Variants in DPEP1 observed in about 807,000 individuals in gnomAD.
DPEP1 encodes dipeptidase 1, also known as beta-lactamase.
In DPEP1, 50 loss-of-function variants were observed where a neutral mutation model predicts 42.3. That is an observed-to-expected ratio of 1.18 (90% confidence interval 0.94 to 1.50). The LOEUF is 1.50. Among genes scored for constraint, DPEP1 ranks in the 40% most tolerant of loss-of-function variants. The pLI, the probability that DPEP1 is intolerant of heterozygous loss-of-function variation, is 0.00. For missense variants in DPEP1, 663 were observed against 553.0 expected (o/e 1.20, Z -1.99); for synonymous variants, 297 against 234.0 (o/e 1.27, Z -2.46).
intron 1 of DPEP1, among the ~76,000 whole-genome samples, chr16:89,627,786 A>G (rs889720433): frequency 6.8e-6 from 1 of 146,984 alleles, no homozygotes; most frequent in African/African-American, 2.5e-5. Context: ...AAAGCCTCCA[A>G]GTAGCTGGGA....
chr16:89,623,387 G>A (rs974047041), intron 1 of DPEP1, among the ~76,000 whole-genome samples: 2 of 152,086 alleles, frequency 1.3e-5, no homozygotes, highest in East Asian at 3.9e-4. Flanking sequence ...TCGAGAGCCC[G>A]CTCACACATA....
intron 2 of DPEP1, among the ~76,000 whole-genome samples, chr16:89,631,232 C>T (rs1178849716): frequency 2.0e-5 from 3 of 152,118 alleles, no homozygotes; most frequent in Non-Finnish European, 2.9e-5. Flanking sequence ...TGTGCCCACC[C>T]GGCCCCCACC....
At chr16:89,634,375 C>T (rs2059632908) in intron 2 of DPEP1, among the ~76,000 whole-genome samples, 1 of 152,134 alleles carries the variant, frequency 6.6e-6, no homozygotes, top group African/African-American at 2.4e-5. Context: ...GCATGAGCCA[C>T]CCTGCCTGGC....
At chr16:89,618,961 C>T (rs1222178100) in intron 1 of DPEP1, among the ~76,000 whole-genome samples, 14 of 31,370 alleles carry the variant, frequency 4.5e-4, no homozygotes, top group African/African-American at 1.6e-3. Context: ...CCCCTCCCTG[C>T]AGCCCCCCTG....
At chr16:89,622,892 G>C (rs73263370) in intron 1 of DPEP1, among the ~76,000 whole-genome samples, 2,127 of 152,138 alleles carry the variant, frequency 0.014, 59 homozygotes, top group African/African-American at 0.049. Flanking sequence ...TGTCTGTGAG[G>C]AGGACTAGGG....
At position 89,637,989 on chromosome 16, in the gene DPEP1, A is replaced by C. The variant is rs748808965; in HGVS notation, c.1065+18A>C. The C allele has an allele frequency of 6.2e-7, 1 of 1,607,110 alleles. No individual in the cohort carries two copies. Among genetic ancestry groups the C allele is most frequent in the Non-Finnish European group, 8.5e-7 (1 of 1,177,522 alleles). On this transcript the variant is annotated intron_variant, in intron 10 of 10. Transcript: ENST00000690203. ...TGGAACAGGTGAGGATGGGGTGGCC[A>C]CCTGAGTCTCCCCCACCACCACCAG...
In DPEP1 at chr16:89,636,147, C is replaced by T. The variant is rs369186149; in HGVS notation, c.237+107C>T. ...CCTGTGGTGTTCCTCCAGGGTCCCT[C>T]GGTGCCCAGGCCGAGGGAGGGCTTC... On this transcript the variant is annotated intron_variant, in intron 3 of 10. Coordinates refer to ENST00000690203, the MANE Select transcript of DPEP1 (RefSeq NM_001389466.1). 1.7e-3 allele frequency: 2,690 copies of T among 1,546,956 alleles called. 3 individuals are homozygous for T. Among genetic ancestry groups the T allele is most frequent in the Non-Finnish European group, 2.2e-3 (2,538 of 1,150,186 alleles).
At chr16:89,635,819 G>C (rs918883123) in intron 2 of DPEP1, 89 bp from the exon 3 acceptor site, 1 of 1,466,756 alleles carries the variant, frequency 6.8e-7, no homozygotes, top group African/African-American at 1.4e-5. Flanking sequence ...AGTAGGAAGT[G>C]GGGAGAGCAG....
chr16:89,617,478 C>A (rs994958762), intron 1 of DPEP1, among the ~76,000 whole-genome samples: 1 of 152,220 alleles, frequency 6.6e-6, no homozygotes, highest in Admixed American at 6.5e-5. Flanking sequence ...CAGGAGGTCT[C>A]CAGGCCATCT....
chr16:89,624,295 T>C (rs2059480485), intron 1 of DPEP1, among the ~76,000 whole-genome samples: 2 of 152,032 alleles, frequency 1.3e-5, no homozygotes, highest in Non-Finnish European at 2.9e-5. Context: ...CACCAGCGTC[T>C]GCCTTTGGTG....
chr16:89,639,950 C>T (rs1198320692), downstream of DPEP1, among the ~76,000 whole-genome samples: 1 of 152,198 alleles, frequency 6.6e-6, no homozygotes, highest in African/African-American at 2.4e-5. Flanking sequence ...GCTGGGATTA[C>T]AGGCGTGAGC....
At position 89,622,528 on chromosome 16, in the gene DPEP1, G is replaced by C. The variant is rs564192570; in HGVS notation, c.-106-7777G>C. Among the ~76,000 whole-genome samples the C allele has an allele frequency of 8.5e-5, 13 of 152,310 alleles. No individual in the cohort carries two copies. The South Asian group carries it at 2.7e-3, about 32-fold the overall frequency. On this transcript the variant is annotated intron_variant, in intron 1 of 10. Coordinates refer to ENST00000690203, the MANE Select transcript of DPEP1 (RefSeq NM_001389466.1). ...GGGCCGGGCGCAGTGGCTCACGCCTGTAATCCCAGCACTTTGGGAGGCCGA... is the reference window on the plus strand; with the variant it reads ...GGGCCGGGCGCAGTGGCTCACGCCTCTAATCCCAGCACTTTGGGAGGCCGA...
In DPEP1 at chr16:89,638,137, C is replaced by G; in HGVS notation, c.1151C>G (p.Ser384Cys). Reference sequence around the variant, plus strand: ...TCCTGCAGGACCCATTACGGCTACTCCTCTGGGGCTTCCAGCCTCCATCGC... The same window carrying G: ...TCCTGCAGGACCCATTACGGCTACTGCTCTGGGGCTTCCAGCCTCCATCGC... ...GGSCRTHYGY[S>C]SGASSLHRHW... is the part of the protein sequence containing the mutation. Residue 384 changes from serine to cysteine, a missense_variant, in exon 11 of 11, where the codon TCC becomes TGC. Transcript: ENST00000690203. The G allele has an allele frequency of 6.2e-7, 1 of 1,610,868 alleles. No individual in the cohort carries two copies.
chr16:89,615,872 G>T lies in DPEP1; in HGVS notation c.-107+2153G>T, dbSNP rs1295338247. 5.3e-5 allele frequency among the ~76,000 whole-genome samples: 8 copies of T among 152,280 alleles called. No individual in the cohort carries two copies. In the East Asian group the frequency reaches 1.5e-3, roughly 29 times the overall value. On this transcript the variant is annotated intron_variant, in intron 1 of 10. Coordinates refer to ENST00000690203, the MANE Select transcript of DPEP1 (RefSeq NM_001389466.1). ...GTGTGGAGGGAGACCAAGCACCAAGGCCCGCCCTGGCCTCTGAGTGTCCAC... is the reference window on the plus strand; with the variant it reads ...GTGTGGAGGGAGACCAAGCACCAAGTCCCGCCCTGGCCTCTGAGTGTCCAC...
chr16:89,614,869 G>C (rs761386513), intron 1 of DPEP1, among the ~76,000 whole-genome samples: 24 of 152,222 alleles, frequency 1.6e-4, no homozygotes, highest in Non-Finnish European at 3.2e-4. Flanking sequence ...ACATGCTAGA[G>C]AGAAAGCCTT....
In DPEP1 at chr16:89,637,636, T is replaced by C. The variant is rs371749206; in HGVS notation, c.858T>C (p.His286=). 14 of 1,612,936 alleles carry C rather than the reference T, an allele frequency of 8.7e-6. No individual in the cohort carries two copies. The African/African-American group carries it at 1.9e-4, about 21-fold the overall frequency. ...TACCTGCTGCTCCCTGGACAGACCA[T>C]CTGGATCACATCAAGGAGGTGGCAG... ...NKANLSQVAD[H]LDHIKEVAGA... Residue 286 remains histidine (H), a synonymous_variant, in exon 9 of 11, where the codon CAT becomes CAC. Transcript: ENST00000690203.
chr16:89,637,111 C>T (rs461115), intron 6 of DPEP1, 93 bp from the exon 7 acceptor site: 632,545 of 1,536,082 alleles, frequency 0.41, 132,358 homozygotes, highest in Middle Eastern at 0.45. Flanking sequence ...CTTCCAGCCA[C>T]GAAGGATGAT....
At chr16:89,617,627 C>T (rs2059392665) in intron 1 of DPEP1, among the ~76,000 whole-genome samples, 2 of 151,934 alleles carry the variant, frequency 1.3e-5, no homozygotes, top group South Asian at 2.1e-4. Flanking sequence ...CGCGGCGGCT[C>T]ACACCTGTAA....
rs754385023 is a variant in DPEP1 at position 89,637,553 on chromosome 16, G to A, written c.853+1G>A. 1 of 1,612,868 alleles carries A rather than the reference G, an allele frequency of 6.2e-7. No homozygotes were observed. Among genetic ancestry groups the A allele is most frequent in the Non-Finnish European group, 8.5e-7 (1 of 1,179,990 alleles). On this transcript the variant is annotated splice_donor_variant, in intron 8 of 10. Coordinates refer to ENST00000690203, the MANE Select transcript of DPEP1 (RefSeq NM_001389466.1). LOFTEE classifies it high-confidence loss of function. Reference sequence around the variant, plus strand: ...AAGGCCAACCTGTCCCAAGTGGCCGGTAGGTGGGGTGTGAGCGGCCAAGGG... The same window carrying A: ...AAGGCCAACCTGTCCCAAGTGGCCGATAGGTGGGGTGTGAGCGGCCAAGGG...
Sources: gnomAD v4.1 joint callset for allele counts (sites outside exome capture counted in the v4.1 genomes callset) on GRCh38, gnomAD v4.1.1 for gene constraint, MANE v1.5 for transcripts, NCBI Gene and HGNC (gene_info 2026-07-23, HGNC 2026-07-21) for gene names.